NRXN3: variants seen among roughly 807,000 people sequenced by gnomAD.
NRXN3 encodes neurexin III.
NRXN3 carries 32 observed loss-of-function variants against 137.6 expected under a neutral mutation model. The ratio of observed to expected loss-of-function variants is 0.23; its 90% CI spans 0.18 to 0.31. The LOEUF (loss-of-function observed/expected upper bound fraction) is 0.31, where lower values mean the gene tolerates loss of function less well. NRXN3 is among the 10% of genes least tolerant of loss of function. The probability of loss-of-function intolerance (pLI) is 1.00; values close to 1 mark genes in which losing one functional copy is unlikely to be tolerated. For missense variants in NRXN3, 1,574 were observed against 2,062.5 expected, an observed-to-expected ratio of 0.76 and a Z score of 4.59; for synonymous variants, 798 against 784.5, an observed-to-expected ratio of 1.02 and a Z score of -0.29.
At chr14:79,265,401 G>A (rs922607748) in intron 15 of NRXN3, among the ~76,000 whole-genome samples, 2 of 151,696 alleles carry the variant, frequency 1.3e-5, no homozygotes, top group Non-Finnish European at 2.9e-5. Flanking sequence ...AGTAATTCCC[G>A]AAGCAACAAC....
chr14:79,613,776 A>G (rs956975985), intron 16 of NRXN3, among the ~76,000 whole-genome samples: 1 of 152,206 alleles, frequency 6.6e-6, no homozygotes, highest in African/African-American at 2.4e-5. Context: ...CCCAGGCACA[A>G]AGATAAATCA....
At chr14:78,661,629 G>C (rs544556363) in intron 6 of NRXN3, among the ~76,000 whole-genome samples, 1 of 152,342 alleles carries the variant, frequency 6.6e-6, no homozygotes, top group South Asian at 2.1e-4. Context: ...TCTGACCTGT[G>C]CAACAAAGGA....
chr14:79,639,325 T>C (rs1268750996), intron 16 of NRXN3, among the ~76,000 whole-genome samples: 1 of 152,184 alleles, frequency 6.6e-6, no homozygotes, highest in East Asian at 1.9e-4. Flanking sequence ...TATGTAAGCC[T>C]TGTACCCAAT....
intron 4 of NRXN3, among the ~76,000 whole-genome samples, chr14:78,317,427 G>A (rs931505471): frequency 6.6e-6 from 1 of 152,146 alleles, no homozygotes; most frequent in South Asian, 2.1e-4. Flanking sequence ...CAGTGTATGC[G>A]AGGGATCCAG....
At chr14:79,152,564 C>T (rs2059899296) in intron 15 of NRXN3, among the ~76,000 whole-genome samples, 1 of 151,960 alleles carries the variant, frequency 6.6e-6, no homozygotes, top group South Asian at 2.1e-4. Context: ...GCTGGGGAGG[C>T]CTCTTAATCA....
At chr14:79,228,449 G>A (rs2370938) in intron 15 of NRXN3, among the ~76,000 whole-genome samples, 151,942 of 152,328 alleles carry the variant, frequency 1, 75,780 homozygotes, top group Non-Finnish European at 1. Context: ...AAATGCAACA[G>A]ATGTTGCAAT....
rs554476972 is a variant in NRXN3, at chr14:79,203,967, C to T, written c.3262+215826C>T. Among the ~76,000 whole-genome samples the T allele has an allele frequency of 2.0e-5, 3 of 152,158 alleles. No individual in the cohort carries two copies. In the East Asian group the frequency reaches 5.8e-4, roughly 30 times the overall value. On this transcript the variant is annotated intron_variant, in intron 15 of 20. Transcript: ENST00000335750. Reference sequence around the variant, plus strand: ...ATGATTTCCCTGGTATAAACACTCCCACCAAAGCTTTTGAGCTACCATCAT... The same window carrying T: ...ATGATTTCCCTGGTATAAACACTCCTACCAAAGCTTTTGAGCTACCATCAT...
At chr14:78,815,715 C>T (rs1244651025) in intron 10 of NRXN3, among the ~76,000 whole-genome samples, 1 of 151,988 alleles carries the variant, frequency 6.6e-6, no homozygotes, top group Non-Finnish European at 1.5e-5. Context: ...CTTTACGAAT[C>T]GTTTATCTGA....
intron 10 of NRXN3, among the ~76,000 whole-genome samples, chr14:78,841,087 A>G (rs2099011050): frequency 6.6e-6 from 1 of 152,118 alleles, no homozygotes; most frequent in Non-Finnish European, 1.5e-5. Context: ...ATTAAAACCC[A>G]CTTACTCCTA....
chr14:78,645,288 C>T lies in NRXN3; in HGVS notation c.926C>T (p.Ala309Val), dbSNP rs1210000847. The change falls in exon 5 of 21, where the codon GCT (alanine) becomes GTT (valine). Residue 309 changes from alanine to valine, a missense_variant. Coordinates refer to ENST00000335750, the MANE Select transcript of NRXN3 (RefSeq NM_001330195.2). ...AAGTCGGCTGACTATGTCAACCTGG[C>T]TCTGAAGGATGGTGCGGTCTCCTTG... ...TGKSADYVNL[A>V]LKDGAVSLVI... 2 of 1,598,944 alleles carry T rather than the reference C, an allele frequency of 1.3e-6. No homozygotes were observed. Among genetic ancestry groups the T allele is most frequent in the Non-Finnish European group, 1.7e-6 (2 of 1,179,804 alleles).
intron 15 of NRXN3, among the ~76,000 whole-genome samples, chr14:79,111,042 G>A (rs1428623621): frequency 2.6e-5 from 4 of 152,062 alleles, no homozygotes; most frequent in African/African-American, 7.2e-5. Context: ...TGCCCGCCTC[G>A]GCCTCCCAAA....
intron 4 of NRXN3, among the ~76,000 whole-genome samples, chr14:78,638,464 G>A (rs1385881516): frequency 6.6e-6 from 1 of 152,166 alleles, no homozygotes; most frequent in Admixed American, 6.5e-5. Flanking sequence ...AAATGAGACA[G>A]GGAGAGCCAA....
intron 4 of NRXN3, among the ~76,000 whole-genome samples, chr14:78,494,240 A>C (rs1021965905): frequency 2.6e-5 from 4 of 152,156 alleles, no homozygotes; most frequent in Non-Finnish European, 5.9e-5. Context: ...TTAGGTCACC[A>C]AGTCATTAGT....
chr14:78,574,259 G>C (rs2096915850), intron 4 of NRXN3, among the ~76,000 whole-genome samples: 2 of 152,246 alleles, frequency 1.3e-5, no homozygotes, highest in South Asian at 2.1e-4. Context: ...GGGAAATGTG[G>C]GGTCTGAGCT....
In NRXN3 at chr14:79,342,497, C is replaced by CT. The variant is rs74891898; in HGVS notation, c.3263-124711dup. ...TTATGTGTGTGCCCAAGTACTACTA[C>CT]TTTTTTTTTTTTTCCTTTGGCTTCC... On this transcript the variant is annotated intron_variant, in intron 15 of 20. Coordinates refer to ENST00000335750, the MANE Select transcript of NRXN3 (RefSeq NM_001330195.2). Among the ~76,000 whole-genome samples, 183 of 145,554 alleles carry CT rather than the reference C, an allele frequency of 1.3e-3. 1 individual carries two copies. The highest frequency in any genetic ancestry group is 3.6e-3 in the Middle Eastern group (1 of 278).
intron 4 of NRXN3, among the ~76,000 whole-genome samples, chr14:78,448,158 A>AGAT (rs1567619396): frequency 1.3e-5 from 2 of 152,152 alleles, no homozygotes; most frequent in Admixed American, 6.5e-5. Flanking sequence ...TATCATCTTT[A>AGAT]CTGTTCAACT....
chr14:79,258,582 T>A (rs1169152643), intron 15 of NRXN3, among the ~76,000 whole-genome samples: 1 of 152,190 alleles, frequency 6.6e-6, no homozygotes, highest in Non-Finnish European at 1.5e-5. Flanking sequence ...TTGCTTAATT[T>A]GAATTTCAGC....
At chr14:79,787,845 A>C (rs1568252702) in intron 19 of NRXN3, among the ~76,000 whole-genome samples, 1 of 152,142 alleles carries the variant, frequency 6.6e-6, no homozygotes, top group Non-Finnish European at 1.5e-5. Context: ...ATAGCTTATA[A>C]AGCTATTTAT....
chr14:78,189,408 C>T (rs896953571), intron 1 of NRXN3, among the ~76,000 whole-genome samples: 1 of 152,134 alleles, frequency 6.6e-6, no homozygotes, highest in African/African-American at 2.4e-5. Context: ...AAGGTCTTCA[C>T]AACCACCTGC....
Sources: gnomAD v4.1 joint callset for allele counts (sites outside exome capture counted in the v4.1 genomes callset) on GRCh38, gnomAD v4.1.1 for gene constraint, MANE v1.5 for transcripts, NCBI Gene and HGNC (gene_info 2026-07-23, HGNC 2026-07-21) for gene names.